Variants in FOXM1 observed in about 807,000 individuals in gnomAD.
The protein encoded by FOXM1 is forkhead box M1.
A neutral mutation model predicts 63.6 loss-of-function variants in FOXM1; 25 were observed. The observed-to-expected ratio is 0.39, with a 90% CI of 0.29 to 0.55. The LOEUF (loss-of-function observed/expected upper bound fraction) is 0.55. FOXM1 is among the 20% of genes least tolerant of loss of function. FOXM1 has a pLI of 0.60. For synonymous variants in FOXM1, 387 were observed against 376.9 expected (o/e 1.03, Z -0.31); for missense variants, 879 against 958.7 (o/e 0.92, Z 1.10).
chr12:2,870,492 A>T (rs930430592), intron 3 of FOXM1, among the ~76,000 whole-genome samples: 7 of 151,920 alleles, frequency 4.6e-5, no homozygotes, highest in African/African-American at 1.5e-4. Flanking sequence ...GTGAAACCCC[A>T]TCTCTACTAA....
chr12:2,864,469 G>A lies in FOXM1; in HGVS notation c.1117C>T (p.Arg373Trp), dbSNP rs1173991172. ...ATAGGTACCAGGTATGAGCTGACCCGTGGTAGCAGTGGCTTCATCTTCCGC... is the reference window on the plus strand; with the variant it reads ...ATAGGTACCAGGTATGAGCTGACCCATGGTAGCAGTGGCTTCATCTTCCGC... The part of the protein sequence containing the change: ...ARRKMKPLLP[R>W]VSSYLVPIQF... The change falls in exon 8 of 9, where the codon CGG (arginine) becomes TGG (tryptophan). Residue 373 changes from arginine (R) to tryptophan (W), a missense_variant. Transcript: ENST00000359843. The surrounding 1 kb of genome is among the most constrained non-coding windows in gnomAD (Gnocchi z 5.1). The A allele has an allele frequency of 1.2e-5, 19 of 1,612,936 alleles. No individual in the cohort carries two copies. Among genetic ancestry groups the A allele is most frequent in the Admixed American group, 1.7e-5 (1 of 59,954 alleles).
chr12:2,866,631 G>GT, intron 4 of FOXM1, 110 bp from the exon 5 acceptor site: 2 of 1,176,428 alleles, frequency 1.7e-6, no homozygotes, highest in Non-Finnish European at 2.3e-6. Context: ...GCTCAGCACA[G>GT]GCTTCGTCTG....
chr12:2,859,171 G>T lies in FOXM1; in HGVS notation c.1759C>A (p.Gln587Lys). 4.4e-6 allele frequency: 7 copies of T among 1,608,100 alleles called. No individual in the cohort carries two copies. The highest frequency in any genetic ancestry group is 5.9e-6 in the Non-Finnish European group (7 of 1,176,538). The change falls in exon 9 of 9, where the codon CAG becomes AAG. Residue 587 changes from glutamine to lysine, a missense_variant. Gln to Lys is a moderately conservative substitution (Grantham distance 53). Around this residue, in one of 4 missense-constraint regions of FOXM1, gnomAD observed 486 missense variants for 453.5 expected, o/e 1.07. Coordinates refer to ENST00000359843, the MANE Select transcript of FOXM1 (RefSeq NM_021953.4). ...FPADSSDPAS[Q>K]LSYSQEVGGP... is the part of the protein sequence containing the mutation. ...CCCACTTCCTGGGAGTAGCTGAGCT[G>T]GGAGGCAGGGTCAGAGGAGTCTGCT...
chr12:2,864,468 C>T lies in FOXM1; in HGVS notation c.1118G>A (p.Arg373Gln), dbSNP rs769577617. Residue 373 changes from arginine (R) to glutamine (Q), a missense_variant, in exon 8 of 9, where the codon CGG (arginine) becomes CAG (glutamine). Around this residue, in one of 4 missense-constraint regions of FOXM1, gnomAD observed 76 missense variants for 94.5 expected, o/e 0.80. Transcript: ENST00000359843. The surrounding 1 kb of genome is among the most constrained non-coding windows in gnomAD (Gnocchi z 5.1). ...GATAGGTACCAGGTATGAGCTGACC[C>T]GTGGTAGCAGTGGCTTCATCTTCCG... ...ARRKMKPLLP[R>Q]VSSYLVPIQF... is the part of the protein sequence containing the mutation. 15 of 1,613,156 alleles carry T rather than the reference C, an allele frequency of 9.3e-6. No homozygotes were observed. Among genetic ancestry groups the T allele is most frequent in the South Asian group, 1.1e-5 (1 of 91,056 alleles).
chr12:2,864,087 G>A lies in FOXM1; in HGVS notation c.1266+233C>T. The A allele has an allele frequency of 2.1e-6, 1 of 483,144 alleles. No individual in the cohort carries two copies. The highest frequency in any genetic ancestry group is 3.7e-6 in the Non-Finnish European group (1 of 269,772). 29.9% of individuals were successfully genotyped at this position (483,144 alleles called of 1,614,324 possible). On this transcript the variant is annotated intron_variant, in intron 8 of 8. Transcript: ENST00000359843. The surrounding 1 kb of genome is among the most constrained non-coding windows in gnomAD (Gnocchi z 5.1). ...CCATCTATCACAATCACTTTTGTCT[G>A]AATTCTTACAAGCTCATCAGGTATT...
In FOXM1 at chr12:2,874,575, A is replaced by G; in HGVS notation, c.-47-50T>C. ...ATGTTAGAGATTGTTTAGGCTGAGA[A>G]GAGGTCCTTTTAGAGAAAGGTGCTC... On this transcript the variant is annotated intron_variant, in intron 1 of 8. Coordinates refer to ENST00000359843, the MANE Select transcript of FOXM1 (RefSeq NM_021953.4). The surrounding 1 kb of genome is among the most constrained non-coding windows in gnomAD (Gnocchi z 4.3). The G allele has an allele frequency of 7.6e-7, 1 of 1,318,554 alleles. No homozygotes were observed. Among genetic ancestry groups the G allele is most frequent in the Non-Finnish European group, 1.0e-6 (1 of 966,138 alleles). 81.7% of individuals were successfully genotyped at this position (1,318,554 alleles called of 1,614,324 possible).
At chr12:2,862,709 T>A (rs536265447) in intron 8 of FOXM1, among the ~76,000 whole-genome samples, 92 of 141,882 alleles carry the variant, frequency 6.5e-4, no homozygotes, top group Middle Eastern at 3.6e-3. Flanking sequence ...TAAAAAAAAA[T>A]TTTTTTTTTT....
At chr12:2,873,842 T>C in intron 2 of FOXM1, 135 bp downstream of exon 2, 1 of 994,830 alleles carries the variant, frequency 1.0e-6, no homozygotes, top group Non-Finnish European at 1.5e-6. Flanking sequence ...CCTCCCAAAG[T>C]GCTGGGATTA....
intron 3 of FOXM1, 74 bp from the exon 4 acceptor site, chr12:2,868,828 A>T: frequency 8.3e-7 from 1 of 1,201,080 alleles, no homozygotes; most frequent in Non-Finnish European, 1.2e-6. Flanking sequence ...CTTGAAGAAC[A>T]TCTAGAGAAA....
chr12:2,859,898 GC>G, intron 8 of FOXM1: 1 of 520,014 alleles, frequency 1.9e-6, no homozygotes, highest in Non-Finnish European at 3.4e-6. Flanking sequence ...AAAATTGCAT[GC>G]TTGTCTTACA....
In FOXM1 at chr12:2,876,901, A is replaced by C. The variant is rs1188033171; in HGVS notation, c.-48+19T>G. On this transcript the variant is annotated intron_variant, in intron 1 of 8. Coordinates refer to ENST00000359843, the MANE Select transcript of FOXM1 (RefSeq NM_021953.4). ...GTGCCCAGGCCAGGCCTGGGACTCC[A>C]TTGCTGCATCCCGCTCACCTCCAGA... 1.3e-5 allele frequency: 2 copies of C among 152,312 alleles called. No individual in the cohort carries two copies. The highest frequency in any genetic ancestry group is 2.9e-5 in the Non-Finnish European group (2 of 68,294). The allele number at this position is 152,312 out of a possible 1,614,324, so 9.4% of individuals were successfully genotyped here.
At chr12:2,865,258 C>T (rs1355791258) in intron 6 of FOXM1, 97 bp downstream of exon 6, 8 of 1,157,552 alleles carry the variant, frequency 6.9e-6, no homozygotes, top group Non-Finnish European at 8.7e-6. Context: ...CATAGGGACC[C>T]TTCCCCACAT....
chr12:2,865,643 CTTTTTTTTTT>C (rs58125017), intron 5 of FOXM1, among the ~76,000 whole-genome samples: 3 of 67,984 alleles, frequency 4.4e-5, no homozygotes, highest in African/African-American at 1.4e-4. Context: ...CTAAGGCAGG[CTTTTTTTTTT>C]TTTTTTTTTT....
At chr12:2,867,952 C>T (rs1442560436) in intron 4 of FOXM1, among the ~76,000 whole-genome samples, 1 of 148,536 alleles carries the variant, frequency 6.7e-6, no homozygotes, top group African/African-American at 2.5e-5. Flanking sequence ...TGCACTCCAG[C>T]CTGGGTGACA....
intron 1 of FOXM1, among the ~76,000 whole-genome samples, chr12:2,875,761 A>ATTTTT (rs568267379): frequency 3.7e-5 from 5 of 133,380 alleles, no homozygotes; most frequent in African/African-American, 1.4e-4. Context: ...ATTTTTTTTA[A>ATTTTT]TTTTTTTTTT....
intron 4 of FOXM1, among the ~76,000 whole-genome samples, chr12:2,867,380 G>A (rs1167439321): frequency 2.0e-5 from 3 of 152,126 alleles, no homozygotes; most frequent in East Asian, 1.9e-4. Context: ...GGAGGGAAGA[G>A]CTTGAGCCCA....
rs1319615994 is a variant in FOXM1, at chr12:2,877,034, G to T, written c.-162C>A. 1 of 152,082 alleles carries T rather than the reference G, an allele frequency of 6.6e-6. No individual in the cohort carries two copies. Among genetic ancestry groups the T allele is most frequent in the African/African-American group, 2.4e-5 (1 of 41,444 alleles). The allele number at this position is 152,082 out of a possible 1,614,324, so 9.4% of individuals were successfully genotyped here. ...GACGGGGGCTCGCGCCGGACCGGCC[G>T]GGTCCCCGGCGGTGCGGGCGGGGTG... On this transcript the variant is annotated 5_prime_UTR_variant, in exon 1 of 9. Coordinates refer to ENST00000359843, the MANE Select transcript of FOXM1 (RefSeq NM_021953.4).
At chr12:2,876,593 G>A (rs1043166415) in intron 1 of FOXM1, 1 of 152,308 alleles carries the variant, frequency 6.6e-6, no homozygotes, top group African/African-American at 2.4e-5. Context: ...GTTGGTCTTT[G>A]ACTCAATGTA....
intron 3 of FOXM1, among the ~76,000 whole-genome samples, chr12:2,870,126 G>C (rs974877490): frequency 2.0e-5 from 3 of 151,772 alleles, no homozygotes; most frequent in African/African-American, 7.3e-5. Context: ...GAGTAGCTGG[G>C]ATTATAGGCA....
Sources: allele counts gnomAD v4.1 joint callset (sites outside exome capture counted in the v4.1 genomes callset), GRCh38; gene constraint gnomAD v4.1.1; regional missense constraint gnomAD v4.1.1; non-coding constraint Gnocchi (gnomAD v3.1); transcripts MANE v1.5; gene names NCBI Gene and HGNC (gene_info 2026-07-23, HGNC 2026-07-21).